TVP23A: variants seen among roughly 807,000 people sequenced by gnomAD.
TVP23A encodes the protein Golgi apparatus membrane protein TVP23 homolog A.
In TVP23A, 21 loss-of-function variants were observed where a neutral mutation model predicts 31.7. That is an observed-to-expected ratio of 0.66 (90% CI 0.47 to 0.95). The LOEUF (loss-of-function observed/expected upper bound fraction) is 0.95, where lower values mean the gene tolerates loss of function less well. Among genes scored for constraint, TVP23A ranks in the 40% least tolerant of loss-of-function variants. The pLI is 0.00. For synonymous variants in TVP23A, 104 were observed against 96.0 expected (o/e 1.08, Z -0.49); for missense variants, 279 against 255.6 (o/e 1.09, Z -0.62).
downstream of TVP23A, chr16:10,765,263 A>ACG (rs1491258622): frequency 8.5e-6 from 1 of 117,176 alleles, no homozygotes; most frequent in Non-Finnish European, 1.8e-5. This position sits in a 1 kb window ranked among gnomAD's most constrained non-coding sequence, Gnocchi z 4.0. Flanking sequence ...TCCATTAAAT[A>ACG]CACACACACA....
chr16:10,798,242 C>A (rs1156814871), intron 2 of TVP23A, among the ~76,000 whole-genome samples: 1 of 151,836 alleles, frequency 6.6e-6, no homozygotes, highest in South Asian at 2.1e-4. Context: ...TACAGGTGTG[C>A]GCCCGCGCCC....
chr16:10,757,798 T>A, downstream of TVP23A: 95 of 1,221,106 alleles, frequency 7.8e-5, no homozygotes, highest in South Asian at 1.1e-4. This position sits in a 1 kb window ranked among gnomAD's most constrained non-coding sequence, Gnocchi z 4.1. Flanking sequence ...CCCCATCCTT[T>A]AAAAAAAAAA....
At chr16:10,773,923 T>G in intron 4 of TVP23A, 116 bp downstream of exon 4, 3 of 792,636 alleles carry the variant, frequency 3.8e-6, no homozygotes. Flanking sequence ...ACCTTGGCAA[T>G]GGTGGCTTTT....
rs560582152 is a variant in TVP23A, at chr16:10,793,125, C to T, written c.90-18029G>A. On this transcript the variant is annotated intron_variant, in intron 2 of 7. Transcript: ENST00000299866. ...GCAACATAGCGAAACCCTGTCTCTA[C>T]TCAAAATACAAAAATTAGCCAGGCA... 8.5e-5 allele frequency among the ~76,000 whole-genome samples: 13 copies of T among 152,164 alleles called. No individual in the cohort carries two copies. The South Asian group carries it at 2.7e-3, about 32-fold the overall frequency.
chr16:10,791,909 T>G (rs534946549), intron 2 of TVP23A, among the ~76,000 whole-genome samples: 1 of 152,336 alleles, frequency 6.6e-6, no homozygotes, highest in East Asian at 1.9e-4. Context: ...GCATCTTCCC[T>G]TCTCTTTGCC....
In TVP23A at chr16:10,770,301, G is replaced by A. The variant is rs150195753; in HGVS notation, c.613C>T (p.Leu205Phe). 7 of 1,551,136 alleles carry A rather than the reference G, an allele frequency of 4.5e-6. No homozygotes were observed. Among genetic ancestry groups the A allele is most frequent in the Non-Finnish European group, 5.2e-6 (6 of 1,146,952 alleles). ...ACPGDFQKPG[L>F]EGLEIHQH Reference sequence around the variant, plus strand: ...TGCTGGTGAATCTCCAGCCCCTCGAGGCCAGGCTTCTGAAAGTCACCTGGG... The same window carrying A: ...TGCTGGTGAATCTCCAGCCCCTCGAAGCCAGGCTTCTGAAAGTCACCTGGG... Residue 205 changes from leucine (L) to phenylalanine (F), a missense_variant, in exon 7 of 8, where the codon CTC becomes TTC. Physicochemically the swap from Leu to Phe is conservative, Grantham distance 22. Transcript: ENST00000299866.
chr16:10,787,558 G>C (rs2032840185), intron 2 of TVP23A, among the ~76,000 whole-genome samples: 1 of 152,162 alleles, frequency 6.6e-6, no homozygotes, highest in Non-Finnish European at 1.5e-5. Context: ...TGGGGGGGCA[G>C]CCTTCCGTGA....
In TVP23A at chr16:10,796,470, T is replaced by C. The variant is rs13339062; in HGVS notation, c.90-21374A>G. Among the ~76,000 whole-genome samples, 1,182 of 152,304 alleles carry C rather than the reference T, an allele frequency of 7.8e-3. 15 individuals are homozygous for C. Among genetic ancestry groups the C allele is most frequent in the African/African-American group, 0.027 (1,110 of 41,554 alleles). On this transcript the variant is annotated intron_variant, in intron 2 of 7. Transcript: ENST00000299866. ...TTTTTTGAGATGGAGTCTGGCACTG[T>C]TGCCCAGGCTGGAGTGCAGTGGCAC...
chr16:10,784,399 A>G lies in TVP23A; in HGVS notation c.90-9303T>C, dbSNP rs369538996. 8.1e-4 allele frequency among the ~76,000 whole-genome samples: 123 copies of G among 151,964 alleles called. 1 individual carries two copies. The South Asian group carries it at 0.013, about 16-fold the overall frequency. ...TCTCTACCAAAAAAAGAAAAAAAAA[A>G]AAAGAAAGAAAATTAGCCAGGCATG... On this transcript the variant is annotated intron_variant, in intron 2 of 7. Coordinates refer to ENST00000299866, the MANE Select transcript of TVP23A (RefSeq NM_001079512.4).
At chr16:10,765,327 TAAAAAAAA>T (rs533208449), downstream of TVP23A, among the ~76,000 whole-genome samples, 5 of 111,270 alleles carry the variant, frequency 4.5e-5, no homozygotes, top group Non-Finnish European at 8.8e-5. This position sits in a 1 kb window ranked among gnomAD's most constrained non-coding sequence, Gnocchi z 4.0. Context: ...CCTCATCTCT[TAAAAAAAA>T]AAAAAAAAAA....
chr16:10,760,546 G>C (rs747950804), downstream of TVP23A, among the ~76,000 whole-genome samples: 1 of 152,210 alleles, frequency 6.6e-6, no homozygotes, highest in Non-Finnish European at 1.5e-5. Flanking sequence ...AGAAGCTTAA[G>C]ACCAGTCTGG....
chr16:10,770,281 G>A lies in TVP23A; in HGVS notation c.633C>T (p.His211=), dbSNP rs1230713859. 1.3e-6 allele frequency: 2 copies of A among 1,550,864 alleles called. No homozygotes were observed. The highest frequency in any genetic ancestry group is 1.4e-5 in the African/African-American group (1 of 72,968). The part of the protein sequence containing the change: ...QKPGLEGLEI[H]QH ...ATGATCCATTTCTCACCTAATGCTG[G>A]TGAATCTCCAGCCCCTCGAGGCCAG... Residue 211 remains histidine, a synonymous_variant, in exon 7 of 8, where the codon CAC becomes CAT. Coordinates refer to ENST00000299866, the MANE Select transcript of TVP23A (RefSeq NM_001079512.4).
intron 2 of TVP23A, among the ~76,000 whole-genome samples, chr16:10,810,557 AAAAAGAAAAG>A (rs1045981247): frequency 1.4e-5 from 2 of 145,026 alleles, no homozygotes; most frequent in African/African-American, 2.9e-5. Flanking sequence ...AAAAAAAAAA[AAAAAGAAAAG>A]AAAAGAAAAG....
chr16:10,795,818 C>G (rs1302591923), intron 2 of TVP23A, among the ~76,000 whole-genome samples: 1 of 152,070 alleles, frequency 6.6e-6, no homozygotes, highest in Middle Eastern at 3.2e-3. Context: ...GACTGAGCAC[C>G]AACGGTTCCT....
chr16:10,762,481 C>T (rs1430043387), downstream of TVP23A, among the ~76,000 whole-genome samples: 3 of 152,184 alleles, frequency 2.0e-5, no homozygotes, highest in Admixed American at 6.5e-5. Flanking sequence ...GCCCACTCGC[C>T]GCGGGGCGCT....
chr16:10,760,992 G>A (rs530102167), downstream of TVP23A: 8 of 194,668 alleles, frequency 4.1e-5, no homozygotes, highest in Non-Finnish European at 5.3e-5. Context: ...CAATCATGGT[G>A]GAAGGCAAAG....
rs139750815 is a variant in TVP23A at position 10,807,611 on chromosome 16, A to G, written c.89+10492T>C. Among the ~76,000 whole-genome samples the G allele has an allele frequency of 1.9e-3, 294 of 152,266 alleles. 2 individuals carry two copies. The highest frequency in any genetic ancestry group is 6.7e-3 in the African/African-American group (278 of 41,530). On this transcript the variant is annotated intron_variant, in intron 2 of 7. Coordinates refer to ENST00000299866, the MANE Select transcript of TVP23A (RefSeq NM_001079512.4). ...GGTGCTGCCCAGCATCCTATGATAC[A>G]TAGGACAGCCTCCACCACATAGAAT...
intron 2 of TVP23A, among the ~76,000 whole-genome samples, chr16:10,806,896 A>T (rs1046397434): frequency 1.3e-5 from 2 of 152,230 alleles, no homozygotes; most frequent in Non-Finnish European, 2.9e-5. Flanking sequence ...AGATGTAAGG[A>T]GTTAATTTCA....
chr16:10,795,180 T>G (rs1175436859), intron 2 of TVP23A, among the ~76,000 whole-genome samples: 1 of 151,436 alleles, frequency 6.6e-6, no homozygotes, highest in Non-Finnish European at 1.5e-5. Context: ...TGAAAGAGGC[T>G]CCCACTGGCC....
Sources: gnomAD v4.1 joint callset for allele counts (sites outside exome capture counted in the v4.1 genomes callset) on GRCh38, gnomAD v4.1.1 for gene constraint, Gnocchi (gnomAD v3.1) non-coding constraint, MANE v1.5 for transcripts, NCBI Gene and HGNC (gene_info 2026-07-23, HGNC 2026-07-21) for gene names.